STRC: variants seen among roughly 807,000 people sequenced by gnomAD.
The protein encoded by STRC is stereocilin.
In STRC, 43 loss-of-function variants were observed where a neutral mutation model predicts 103.5. The ratio of observed to expected loss-of-function variants is 0.42; its 90% CI spans 0.33 to 0.54. STRC has a LOEUF of 0.54. Ranked by LOEUF, STRC falls within the 20% of genes least tolerant of loss-of-function variation. The pLI is 0.14. For synonymous variants in STRC, 186 were observed against 442.3 expected, an observed-to-expected ratio of 0.42 and a Z score of 7.27; for missense variants, 499 against 1,088.5, an observed-to-expected ratio of 0.46 and a Z score of 7.62.
At chr15:43,600,406 A>G (rs1007049555) in intron 26 of STRC, 113 bp from the exon 27 acceptor site, 19 of 1,412,924 alleles carry the variant, frequency 1.3e-5, no homozygotes, top group Non-Finnish European at 1.8e-5. Flanking sequence ...CTTCCCCAAT[A>G]TGTCTCTAGC....
rs188929259 is a variant in STRC at position 43,603,661 on chromosome 15, T to A, written c.4376-250A>T. ...TCAGAGATTTAATGGTAGCACTGAA[T>A]TTGAACCCAGTTCTCCAGCCTCACA... On this transcript the variant is annotated intron_variant, in intron 22 of 28. Coordinates refer to ENST00000450892, the MANE Select transcript of STRC (RefSeq NM_153700.2). 7.7e-4 allele frequency: 491 copies of A among 634,148 alleles called. 6 individuals carry two copies. The East Asian group carries it at 0.014, about 18-fold the overall frequency. 39.3% of individuals were successfully genotyped at this position (634,148 alleles called of 1,614,324 possible). A position where few individuals can be genotyped will look rare whatever the true frequency, so the allele number is the denominator to read the frequency against.
chr15:43,603,565 TTAGGAGATAA>T (rs1370784663), intron 22 of STRC, 154 bp from the exon 23 acceptor site: 1 of 845,578 alleles, frequency 1.2e-6, no homozygotes, highest in East Asian at 2.6e-5. Flanking sequence ...TGTATAGGGC[TTAGGAGATAA>T]TAGAACAAGA....
rs974821433 is a variant in STRC, at chr15:43,602,298, A to G, written c.4546-747T>C. Among the ~76,000 whole-genome samples the G allele has an allele frequency of 2.6e-5, 4 of 151,766 alleles. 1 individual carries two copies. The highest frequency in any genetic ancestry group is 5.9e-5 in the Non-Finnish European group (4 of 67,926). On this transcript the variant is annotated intron_variant, in intron 23 of 28. Coordinates refer to ENST00000450892, the MANE Select transcript of STRC (RefSeq NM_153700.2). ...TGCACTCATGGGATTCTCCTACCCC[A>G]GCCTCCTGAGTAGCTGGGATTACAG... is the stretch of plus-strand genomic sequence containing the variant.
Position 43,601,560 on chromosome 15 carries a change from AAGAC to A in STRC, c.4546-13_4546-10del, listed in dbSNP as rs1417345212. On this transcript the variant is annotated splice_polypyrimidine_tract_variant and intron_variant, in intron 23 of 28. Coordinates refer to ENST00000450892, the MANE Select transcript of STRC (RefSeq NM_153700.2). ...CGGGGGGGACCCCACAACTAGGAGA[AAGAC>A]AGGAACAATGTGAGTGGAAAAGCAG... The A allele has an allele frequency of 6.2e-7, 1 of 1,613,644 alleles. No homozygotes were observed. Among genetic ancestry groups the A allele is most frequent in the Admixed American group, 1.7e-5 (1 of 60,006 alleles).
chr15:43,606,992 T>A (rs2085714621), intron 18 of STRC, among the ~76,000 whole-genome samples: 1 of 131,004 alleles, frequency 7.6e-6, no homozygotes, highest in African/African-American at 2.9e-5. Context: ...ACAGCAAAAC[T>A]CTGTCTCAAA....
At chr15:43,601,287 G>A (rs2614846) in intron 24 of STRC, 109 bp downstream of exon 24, 10 of 1,505,054 alleles carry the variant, frequency 6.6e-6, no homozygotes, top group Non-Finnish European at 9.2e-6. Flanking sequence ...ATAGAAAGAA[G>A]GACCAGGTAG....
Position 43,601,777 on chromosome 15 carries a change from C to T in STRC, c.4546-226G>A, listed in dbSNP as rs575959947. ...AAAGAAGAGCAAACTAACTCTAGTC[C>T]ATGAGTTCCACACTTTTATGTGCAT... is the stretch of plus-strand genomic sequence containing the variant. On this transcript the variant is annotated intron_variant, in intron 23 of 28. Coordinates refer to ENST00000450892, the MANE Select transcript of STRC (RefSeq NM_153700.2). 5.5e-4 allele frequency: 298 copies of T among 539,070 alleles called. 6 individuals carry two copies. In the South Asian group the frequency reaches 5.7e-3, roughly 10 times the overall value. 33.4% of individuals were successfully genotyped at this position (539,070 alleles called of 1,614,324 possible). A position where few individuals can be genotyped will look rare whatever the true frequency, so the allele number is the denominator to read the frequency against.
chr15:43,616,837 G>GTTACTGA (rs1396575535), intron 3 of STRC, 147 bp from the exon 4 acceptor site: 5 of 497,660 alleles, frequency 1.0e-5, no homozygotes, highest in Non-Finnish European at 1.8e-5. Flanking sequence ...GGCGTTACTG[G>GTTACTGA]TTGAAATGCT....
At position 43,608,035 on chromosome 15, in the gene STRC, T is replaced by C. The variant is rs770180148; in HGVS notation, c.3681+45A>G. ...TAGGAGCTGGGTTCTATACCTAGGG[T>C]CCCAGCCTCCCTGCTCCCACTAAAG... On this transcript the variant is annotated intron_variant, in intron 17 of 28. Transcript: ENST00000450892. 14 of 1,610,668 alleles carry C rather than the reference T, an allele frequency of 8.7e-6. 2 individuals carry two copies. In the African/African-American group the frequency reaches 1.2e-4, roughly 14 times the overall value.
At chr15:43,608,967 G>A (rs547333833) in intron 16 of STRC, among the ~76,000 whole-genome samples, 1,516 of 149,532 alleles carry the variant, frequency 0.01, 39 homozygotes, top group African/African-American at 0.036. Context: ...TGGTGCCATT[G>A]TAATTCTCAT....
intron 24 of STRC, 132 bp from the exon 25 acceptor site, chr15:43,601,146 C>T (rs1449103833): frequency 2.3e-6 from 2 of 855,338 alleles, no homozygotes; most frequent in Non-Finnish European, 3.6e-6. Context: ...AGGCTGAGGA[C>T]TCAGAAAAGA....
chr15:43,604,482 G>C (rs1167607375), intron 20 of STRC, 31 bp from the exon 21 acceptor site: 1 of 1,557,520 alleles, frequency 6.4e-7, no homozygotes, highest in African/African-American at 1.4e-5. Flanking sequence ...GGGGGCTGGG[G>C]AGCTGAGGGA....
chr15:43,607,544 TG>T (rs2085719594), intron 18 of STRC, among the ~76,000 whole-genome samples: 1 of 147,870 alleles, frequency 6.8e-6, no homozygotes, highest in Non-Finnish European at 1.5e-5. Context: ...TACAATCCTC[TG>T]GGGCAGATTT....
intron 23 of STRC, among the ~76,000 whole-genome samples, chr15:43,602,972 GA>G (rs534668758): frequency 0.013 from 2,014 of 149,612 alleles, 42 homozygotes; most frequent in African/African-American, 0.025. Context: ...TTTTAAGAAA[GA>G]AAAAAAAATA....
At chr15:43,602,925 G>A (rs964938160) in intron 23 of STRC, among the ~76,000 whole-genome samples, 10 of 151,272 alleles carry the variant, frequency 6.6e-5, no homozygotes, top group Admixed American at 3.3e-4. Flanking sequence ...GATTATAGGC[G>A]TGAGCCGCTG....
rs1200374631 is a variant in STRC at position 43,605,344 on chromosome 15, C to CCAG, written c.3847_3849dup (p.Leu1283dup). 6.3e-7 allele frequency: 1 copy of CCAG among 1,592,928 alleles called. No homozygotes were observed. Among genetic ancestry groups the CCAG allele is most frequent in the Non-Finnish European group, 8.6e-7 (1 of 1,168,276 alleles). ...AGCAGCTGCTCTGGAGCTCTTTGCACCAGCTCCACCACCAACATAATGGAT... is the reference window on the plus strand; with the variant it reads ...AGCAGCTGCTCTGGAGCTCTTTGCACCAGCAGCTCCACCACCAACATAATGGAT... On this transcript the variant is annotated inframe_insertion, in exon 19 of 29. Coordinates refer to ENST00000450892, the MANE Select transcript of STRC (RefSeq NM_153700.2).
Position 43,601,287 on chromosome 15 carries a change from G to T in STRC, c.4701+109C>A, listed in dbSNP as rs2614846. The T allele has an allele frequency of 4.1e-5, 61 of 1,504,934 alleles. 1 individual carries two copies. Among genetic ancestry groups the T allele is most frequent in the Middle Eastern group, 4.7e-4 (2 of 4,270 alleles). The allele number at this position is 1,504,934 out of a possible 1,614,324, so 93.2% of individuals were successfully genotyped here. ...GGGTATCAACAAAAGATAGAAAGAA[G>T]GACCAGGTAGGGTCACAGGAAAAAA... On this transcript the variant is annotated intron_variant, in intron 24 of 28. Coordinates refer to ENST00000450892, the MANE Select transcript of STRC (RefSeq NM_153700.2).
intron 22 of STRC, among the ~76,000 whole-genome samples, 191 bp downstream of exon 22, chr15:43,603,805 A>G (rs1335881130): frequency 6.6e-6 from 1 of 152,006 alleles, no homozygotes; most frequent in East Asian, 1.9e-4. Flanking sequence ...GGGCTAAAAG[A>G]AAACTTAATA....
chr15:43,603,564 C>A, intron 22 of STRC, 153 bp from the exon 23 acceptor site: 1 of 848,958 alleles, frequency 1.2e-6, no homozygotes. Context: ...ATGTATAGGG[C>A]TTAGGAGATA....
Sources: allele counts gnomAD v4.1 joint callset (sites outside exome capture counted in the v4.1 genomes callset), GRCh38; gene constraint gnomAD v4.1.1; transcripts MANE v1.5; gene names NCBI Gene and HGNC (gene_info 2026-07-23, HGNC 2026-07-21).